Variants in C8G observed in about 807,000 individuals in gnomAD.
C8G encodes complement component C8 gamma chain.
Under a neutral mutation model 29.1 loss-of-function variants are expected in C8G, and 38 were observed. That is an observed-to-expected ratio of 1.31 (90% CI 1.01 to 1.71). C8G has a LOEUF of 1.71. Ranked by LOEUF, C8G falls within the 40% of genes most tolerant of loss-of-function variation. The probability of loss-of-function intolerance (pLI) is 0.00; values close to 1 mark genes in which losing one functional copy is unlikely to be tolerated. For missense variants in C8G, 300 were observed against 267.4 expected (o/e 1.12, Z -0.85); for synonymous variants, 158 against 113.2 (o/e 1.40, Z -2.51).
intron 2 of C8G, 21 bp downstream of exon 2, chr9:136,945,791 G>GCACCCTAACCCCAACCCTC: frequency 6.5e-7 from 1 of 1,544,580 alleles, no homozygotes; most frequent in Non-Finnish European, 8.7e-7. Context: ...GAGCAGCCCT[G>GCACCCTAACCCCAACCCTC]CACCCTAACC....
At chr9:136,946,292 C>T in intron 4 of C8G, 100 bp downstream of exon 4, 2 of 1,370,210 alleles carry the variant, frequency 1.5e-6, no homozygotes, top group Non-Finnish European at 2.0e-6. Flanking sequence ...GACACACTTC[C>T]TTTCTCCCAT....
At position 136,946,110 on chromosome 9, in the gene C8G, C is replaced by A. The variant is rs1260576048; in HGVS notation, c.372C>A (p.His124Gln). ...LQARDARGAV[H>Q]VVVAETDYQS... ...CCCGAGACGCCCGAGGGGCTGTGCA[C>A]GTGGTTGTCGCTGAGACCGACTACC... is the stretch of plus-strand genomic sequence containing the variant. Residue 124 changes from histidine (H) to glutamine (Q), a missense_variant, in exon 4 of 7, where the codon CAC (histidine) becomes CAA (glutamine). Transcript: ENST00000371634. 1 of 1,595,716 alleles carries A rather than the reference C, an allele frequency of 6.3e-7. No homozygotes were observed. The highest frequency in any genetic ancestry group is 2.2e-5 in the East Asian group (1 of 44,610).
rs557417207 is a variant in C8G, at chr9:136,945,441, A to G, written c.121A>G (p.Asn41Asp). The G allele has an allele frequency of 3.9e-4, 622 of 1,581,548 alleles. 9 individuals are homozygous for G. The South Asian group carries it at 6.7e-3, about 17-fold the overall frequency. The change falls in exon 1 of 7, where the codon AAT becomes GAT. Residue 41 changes from asparagine (N) to aspartate (D), a missense_variant. By Grantham distance (23) the Asn-to-Asp change is conservative (BLOSUM62 1). Coordinates refer to ENST00000371634, the MANE Select transcript of C8G (RefSeq NM_000606.3). ...CATCAGCACCATCCAGCCCAAGGCC[A>G]ATTTTGATGCTCAGCAGGTAGAAGT... ...SPISTIQPKA[N>D]FDAQQFAGTW...
Position 136,945,387 on chromosome 9 carries a change from C to T in C8G, c.67C>T (p.Pro23Ser). 6.2e-7 allele frequency: 1 copy of T among 1,612,224 alleles called. No individual in the cohort carries two copies. The highest frequency in any genetic ancestry group is 8.5e-7 in the Non-Finnish European group (1 of 1,179,674). The change falls in exon 1 of 7, where the codon CCT becomes TCT. Residue 23 changes from proline to serine, a missense_variant. By Grantham distance (74) the Pro-to-Ser change is moderately conservative (BLOSUM62 -1). Transcript: ENST00000371634. ...LLAAGSLGQK[P>S]QRPRRPASPI... ...GGCAGCTGGCTCGCTGGGCCAGAAG[C>T]CTCAGAGGCCACGCCGGCCCGCATC...
In C8G at chr9:136,945,342, A is replaced by C. The variant is rs916896464; in HGVS notation, c.22A>C (p.Thr8Pro). 1 of 1,611,400 alleles carries C rather than the reference A, an allele frequency of 6.2e-7. No homozygotes were observed. Among genetic ancestry groups the C allele is most frequent in the Non-Finnish European group, 8.5e-7 (1 of 1,179,092 alleles). ...CACCATGCTGCCCCCTGGGACTGCG[A>C]CCCTCTTGACTCTGCTCCTGGCAGC... Reference protein sequence around the residue: MLPPGTATLLTLLLAAGS... With the variant: MLPPGTAPLLTLLLAAGS... Residue 8 changes from threonine (T) to proline (P), a missense_variant, in exon 1 of 7, where the codon ACC becomes CCC. Transcript: ENST00000371634.
chr9:136,946,409 C>A (rs1019812762), intron 4 of C8G, 56 bp from the exon 5 acceptor site: 1 of 1,516,014 alleles, frequency 6.6e-7, no homozygotes, highest in African/African-American at 1.4e-5. Context: ...ACCCCGTTTC[C>A]AGAGCCCTCC....
chr9:136,945,588 G>C (rs771334174), intron 1 of C8G, 46 bp from the exon 2 acceptor site: 2 of 1,593,048 alleles, frequency 1.3e-6, no homozygotes, highest in Non-Finnish European at 1.7e-6. Context: ...AGCAGGTGAG[G>C]GGCCCTCCCA....
At chr9:136,946,441 C>G in intron 4 of C8G, 24 bp from the exon 5 acceptor site, 1 of 1,568,490 alleles carries the variant, frequency 6.4e-7, no homozygotes, top group Non-Finnish European at 8.6e-7. Context: ...TGCCAGGACC[C>G]CAGGAACCCT....
At position 136,945,703 on chromosome 9, in the gene C8G, G is replaced by A; in HGVS notation, c.208G>A (p.Ala70Thr). Reference protein sequence around the residue: ...CRFLQEQGHRAEATTLHVAPQ... With the variant: ...CRFLQEQGHRTEATTLHVAPQ... ...TTTCCTGCAGGAGCAGGGCCACCGG[G>A]CCGAGGCCACCACACTGCATGTGGC... Residue 70 changes from alanine (A) to threonine (T), a missense_variant, in exon 2 of 7, where the codon GCC (alanine) becomes ACC (threonine). By Grantham distance (58) the Ala-to-Thr change is moderately conservative (BLOSUM62 0). Transcript: ENST00000371634. The A allele has an allele frequency of 6.3e-7, 1 of 1,593,538 alleles. No individual in the cohort carries two copies. Among genetic ancestry groups the A allele is most frequent in the African/African-American group, 1.3e-5 (1 of 74,736 alleles).
chr9:136,946,079 C>T lies in C8G; in HGVS notation c.347-6C>T. 6.2e-7 allele frequency: 1 copy of T among 1,605,650 alleles called. No individual in the cohort carries two copies. The highest frequency in any genetic ancestry group is 8.5e-7 in the Non-Finnish European group (1 of 1,175,382). ...CTCTGACATGGCTACTGTGGCTCTG[C>T]CCCAGCCCGAGACGCCCGAGGGGCT... On this transcript the variant is annotated splice_polypyrimidine_tract_variant and splice_region_variant and intron_variant, in intron 3 of 6. Coordinates refer to ENST00000371634, the MANE Select transcript of C8G (RefSeq NM_000606.3).
In C8G at chr9:136,946,414, C is replaced by A. The variant is rs751648431; in HGVS notation, c.455-51C>A. The A allele has an allele frequency of 5.9e-6, 9 of 1,519,972 alleles. No individual in the cohort carries two copies. The South Asian group carries it at 1.2e-4, about 19-fold the overall frequency. 94.2% of individuals were successfully genotyped at this position (1,519,972 alleles called of 1,614,324 possible). On this transcript the variant is annotated intron_variant, in intron 4 of 6. Coordinates refer to ENST00000371634, the MANE Select transcript of C8G (RefSeq NM_000606.3). ...GGACACACAGACCCCGTTTCCAGAG[C>A]CCTCCACGCCGCCTGGTGCCAGGAC...
Position 136,946,823 on chromosome 9 carries a change from G to GT in C8G, c.*42_*43insT. 6.5e-7 allele frequency: 1 copy of GT among 1,544,420 alleles called. No individual in the cohort carries two copies. The highest frequency in any genetic ancestry group is 2.4e-5 in the East Asian group (1 of 41,318). On this transcript the variant is annotated 3_prime_UTR_variant, in exon 7 of 7. Transcript: ENST00000371634. ...CAGTGCTGAGAAGTCAGTGCCCCGA[G>GT]AGACGACCCCACCAGTGGGGTGCCC...
rs1470035651 is a variant in C8G at position 136,946,010 on chromosome 9, G to A, written c.346+11G>A. On this transcript the variant is annotated intron_variant, in intron 3 of 6. Transcript: ENST00000371634. Reference sequence around the variant, plus strand: ...GCTTCCTGCTTCAAGGTGAGGCAGGGGCTGCAGGGCATGTGGGTGGGGGAT... The same window carrying A: ...GCTTCCTGCTTCAAGGTGAGGCAGGAGCTGCAGGGCATGTGGGTGGGGGAT... The A allele has an allele frequency of 1.9e-6, 3 of 1,590,156 alleles. No homozygotes were observed. The highest frequency in any genetic ancestry group is 2.3e-5 in the South Asian group (2 of 88,430).
Position 136,946,127 on chromosome 9 carries a change from C to T in C8G, c.389C>T (p.Thr130Ile), listed in dbSNP as rs768569634. Residue 130 changes from threonine to isoleucine, a missense_variant, in exon 4 of 7, where the codon ACC becomes ATC. By Grantham distance (89) the Thr-to-Ile change is moderately conservative (BLOSUM62 -1). Coordinates refer to ENST00000371634, the MANE Select transcript of C8G (RefSeq NM_000606.3). ...RGAVHVVVAE[T>I]DYQSFAVLYL... ...GCTGTGCACGTGGTTGTCGCTGAGA[C>T]CGACTACCAGAGTTTCGCTGTCCTG... 3.8e-6 allele frequency: 6 copies of T among 1,588,356 alleles called. No homozygotes were observed. The highest frequency in any genetic ancestry group is 4.3e-6 in the Non-Finnish European group (5 of 1,164,392).
In C8G at chr9:136,946,939, T is replaced by C; in HGVS notation, c.*158T>C. The C allele has an allele frequency of 2.3e-6, 2 of 874,356 alleles. No homozygotes were observed. The highest frequency in any genetic ancestry group is 3.6e-6 in the Non-Finnish European group (2 of 551,416). The allele number at this position is 874,356 out of a possible 1,614,324, so 54.2% of individuals were successfully genotyped here. ...GCCGGCTGCCCCAGAGGACAGTGGGTGGAGTGGTACCTACTTATTAAATGT... is the reference window on the plus strand; with the variant it reads ...GCCGGCTGCCCCAGAGGACAGTGGGCGGAGTGGTACCTACTTATTAAATGT... On this transcript the variant is annotated 3_prime_UTR_variant, in exon 7 of 7. Transcript: ENST00000371634.
At chr9:136,946,443 A>G in intron 4 of C8G, 22 bp from the exon 5 acceptor site, 1 of 1,571,220 alleles carries the variant, frequency 6.4e-7, no homozygotes, top group South Asian at 1.2e-5. Context: ...CCAGGACCCC[A>G]GGAACCCTGT....
rs955524647 is a variant in C8G at position 136,945,505 on chromosome 9, G to A, written c.138+47G>A. ...GGGAGGCAGGTAGAAGTTGTGGGAGGGGTAGAGGGAGACAGGTAGAAGTTG... is the reference window on the plus strand; with the variant it reads ...GGGAGGCAGGTAGAAGTTGTGGGAGAGGTAGAGGGAGACAGGTAGAAGTTG... On this transcript the variant is annotated intron_variant, in intron 1 of 6. Transcript: ENST00000371634. The A allele has an allele frequency of 5.2e-6, 8 of 1,545,702 alleles. No individual in the cohort carries two copies. In the African/African-American group the frequency reaches 9.6e-5, roughly 19 times the overall value.
intron 1 of C8G, 82 bp from the exon 2 acceptor site, chr9:136,945,552 G>C: frequency 6.4e-7 from 1 of 1,558,696 alleles, no homozygotes; most frequent in Non-Finnish European, 8.7e-7. Flanking sequence ...AGGGAAGCAG[G>C]TGAAGTTGTG....
Position 136,946,895 on chromosome 9 carries a change from C to G in C8G, c.*114C>G, listed in dbSNP as rs903255265. Reference sequence around the variant, plus strand: ...CAGCCTCAGATCAGGGCCCTGCCACCCAGGGCAGGGGATCTTCTGCCGGCT... The same window carrying G: ...CAGCCTCAGATCAGGGCCCTGCCACGCAGGGCAGGGGATCTTCTGCCGGCT... On this transcript the variant is annotated 3_prime_UTR_variant, in exon 7 of 7. Coordinates refer to ENST00000371634, the MANE Select transcript of C8G (RefSeq NM_000606.3). 5.5e-5 allele frequency: 73 copies of G among 1,326,444 alleles called. No individual in the cohort carries two copies. The highest frequency in any genetic ancestry group is 7.1e-5 in the Non-Finnish European group (68 of 957,074). 82.2% of individuals were successfully genotyped at this position (1,326,444 alleles called of 1,614,324 possible). A position where few individuals can be genotyped will look rare whatever the true frequency, so the allele number is the denominator to read the frequency against.
Sources: allele counts gnomAD v4.1 joint callset, GRCh38; gene constraint gnomAD v4.1.1; transcripts MANE v1.5; gene names NCBI Gene and HGNC (gene_info 2026-07-23, HGNC 2026-07-21).